The following PRIM2 variants were observed in gnomAD, a reference collection of about 807,000 sequenced individuals.
PRIM2 encodes the protein DNA primase subunit 2, also known as DNA primase large subunit.
Under a neutral mutation model 67.3 loss-of-function variants are expected in PRIM2, and 39 were observed. The ratio of observed to expected loss-of-function variants is 0.58; its 90% CI spans 0.45 to 0.76. PRIM2 has a LOEUF of 0.76. PRIM2 is among the 30% of genes least tolerant of loss of function. The pLI is 0.00. For missense variants in PRIM2, 398 were observed against 598.7 expected, an observed-to-expected ratio of 0.66 and a Z score of 3.50; for synonymous variants, 143 against 198.7, an observed-to-expected ratio of 0.72 and a Z score of 2.36.
At chr6:57,526,885 A>C (rs1774766769) in intron 8 of PRIM2, among the ~76,000 whole-genome samples, 1 of 152,076 alleles carries the variant, frequency 6.6e-6, no homozygotes, top group Non-Finnish European at 1.5e-5. Context: ...AAAATCGATC[A>C]TTTTCAAATC....
chr6:57,601,407 G>A (rs1405411043), intron 11 of PRIM2, among the ~76,000 whole-genome samples, 188 bp downstream of exon 11: 1 of 152,206 alleles, frequency 6.6e-6, no homozygotes, highest in African/African-American at 2.4e-5. Context: ...ACTAGGTCAG[G>A]CAAGAGAAAT....
intron 7 of PRIM2, among the ~76,000 whole-genome samples, chr6:57,423,816 T>G (rs1779564314): frequency 6.6e-6 from 1 of 152,210 alleles, no homozygotes; most frequent in Non-Finnish European, 1.5e-5. Context: ...ATTGTTTCAG[T>G]AACTGATCCC....
intron 7 of PRIM2, among the ~76,000 whole-genome samples, chr6:57,445,869 G>C (rs1772347727): frequency 6.6e-6 from 1 of 152,168 alleles, no homozygotes; most frequent in African/African-American, 2.4e-5. Context: ...AAGGGGTTGT[G>C]CTTCCTGCAG....
intron 7 of PRIM2, among the ~76,000 whole-genome samples, chr6:57,458,230 T>C (rs989190546): frequency 1.3e-5 from 2 of 152,180 alleles, no homozygotes; most frequent in Non-Finnish European, 2.9e-5. Context: ...CAGTCATAAT[T>C]TGAAGCATTG....
At chr6:57,467,483 A>G (rs1219394426) in intron 7 of PRIM2, among the ~76,000 whole-genome samples, 3 of 152,114 alleles carry the variant, frequency 2.0e-5, no homozygotes, top group Non-Finnish European at 2.9e-5. Flanking sequence ...CCATTGATCT[A>G]TATATCTCTT....
chr6:57,548,334 G>A (rs1341589483), intron 10 of PRIM2, among the ~76,000 whole-genome samples: 1 of 152,006 alleles, frequency 6.6e-6, no homozygotes, highest in Non-Finnish European at 1.5e-5. Flanking sequence ...GGAGGCGATG[G>A]GAATAGAGTG....
intron 5 of PRIM2, among the ~76,000 whole-genome samples, chr6:57,356,991 T>C (rs1020718760): frequency 5.3e-5 from 8 of 149,602 alleles, no homozygotes; most frequent in Admixed American, 3.4e-4. Flanking sequence ...TGGAGTGTAG[T>C]GGTGCAATCT....
the PRIM2 span, among the ~76,000 whole-genome samples, chr6:57,286,554 T>C: frequency 6.6e-6 from 1 of 152,292 alleles, no homozygotes; most frequent in African/African-American, 2.4e-5. Context: ...TGGCTAGCCA[T>C]ATACGGAAAA....
chr6:57,553,474 A>T (rs1190752567), intron 10 of PRIM2, among the ~76,000 whole-genome samples: 4 of 152,186 alleles, frequency 2.6e-5, no homozygotes, highest in Non-Finnish European at 5.9e-5. Flanking sequence ...AATGTTCACT[A>T]ATGAGAATGA....
chr6:57,332,563 G>A (rs1768087823), intron 5 of PRIM2, among the ~76,000 whole-genome samples: 1 of 152,020 alleles, frequency 6.6e-6, no homozygotes, highest in African/African-American at 2.4e-5. Context: ...TTGCATATAT[G>A]TTTATAATTG....
intron 7 of PRIM2, among the ~76,000 whole-genome samples, chr6:57,395,248 T>G (rs1770483239): frequency 6.6e-6 from 1 of 152,192 alleles, no homozygotes; most frequent in African/African-American, 2.4e-5. Context: ...TACCAATTCT[T>G]CTTTGAATGT....
At chr6:57,468,095 C>T (rs1387611290) in intron 7 of PRIM2, among the ~76,000 whole-genome samples, 1 of 152,196 alleles carries the variant, frequency 6.6e-6, no homozygotes, top group Non-Finnish European at 1.5e-5. Flanking sequence ...TTGACTACCT[C>T]TCTTCCTATT....
chr6:57,281,182 CT>C, the PRIM2 span, among the ~76,000 whole-genome samples: 1 of 152,156 alleles, frequency 6.6e-6, no homozygotes, highest in Non-Finnish European at 1.5e-5. Flanking sequence ...TACCAGTTTT[CT>C]TTTATCTATT....
chr6:57,347,206 AATAAGGC>A (rs942834428), intron 5 of PRIM2, among the ~76,000 whole-genome samples: 28 of 152,104 alleles, frequency 1.8e-4, no homozygotes, highest in African/African-American at 6.5e-4. Context: ...TGGTCCAAGG[AATAAGGC>A]TTCTGTATGA....
At chr6:57,432,076 A>T (rs1434942938) in intron 7 of PRIM2, among the ~76,000 whole-genome samples, 1 of 152,180 alleles carries the variant, frequency 6.6e-6, no homozygotes, top group Non-Finnish European at 1.5e-5. Context: ...GTTATCACCA[A>T]TTTAGCCTTT....
At chr6:57,399,455 G>C (rs6914938) in intron 7 of PRIM2, among the ~76,000 whole-genome samples, 162 of 152,286 alleles carry the variant, frequency 1.1e-3, no homozygotes, top group African/African-American at 3.7e-3. Context: ...GGACATTTGG[G>C]TTGGTTCCAA....
In PRIM2 at chr6:57,453,861, T is replaced by G. The variant is rs1772650611; in HGVS notation, c.694-53526T>G. On this transcript the variant is annotated intron_variant, in intron 7 of 13. Transcript: ENST00000615550. ...GGTGAGAGAGGGCATCCCTGTCTTG[T>G]GCCAGTTTTCAAAGGGAATGCTTCC... Among the ~76,000 whole-genome samples, 7 of 152,310 alleles carry G rather than the reference T, an allele frequency of 4.6e-5. No homozygotes were observed. The South Asian group carries it at 1.4e-3, about 32-fold the overall frequency.
At chr6:57,575,937 C>G (rs1562795098) in intron 10 of PRIM2, among the ~76,000 whole-genome samples, 1 of 152,042 alleles carries the variant, frequency 6.6e-6, no homozygotes, top group Non-Finnish European at 1.5e-5. Context: ...CGCCACCACC[C>G]CTGGCTAATT....
At chr6:57,537,368 C>G in intron 9 of PRIM2, 72 bp from the exon 10 acceptor site, 2 of 733,410 alleles carry the variant, frequency 2.7e-6, no homozygotes, top group Non-Finnish European at 4.2e-6. Flanking sequence ...GAATTAGGAA[C>G]CATAACAAAT....
Sources: allele counts gnomAD v4.1 joint callset (sites outside exome capture counted in the v4.1 genomes callset), GRCh38; gene constraint gnomAD v4.1.1; transcripts MANE v1.5; gene names NCBI Gene and HGNC (gene_info 2026-07-23, HGNC 2026-07-21).